SPTAN1: variants seen among roughly 807,000 people sequenced by gnomAD.
SPTAN1 encodes the protein spectrin alpha chain, non-erythrocytic 1.
Under a neutral mutation model 331.3 loss-of-function variants are expected in SPTAN1, and 61 were observed. That is an observed-to-expected ratio of 0.18 (90% CI 0.15 to 0.23). The LOEUF (loss-of-function observed/expected upper bound fraction) is 0.23, where lower values mean the gene tolerates loss of function less well. Ranked by LOEUF, SPTAN1 falls within the 10% of genes least tolerant of loss-of-function variation. The pLI is 1.00. For missense variants in SPTAN1, 2,043 were observed against 3,147.9 expected, an observed-to-expected ratio of 0.65 and a Z score of 8.40; for synonymous variants, 1,153 against 1,173.9, an observed-to-expected ratio of 0.98 and a Z score of 0.36.
chr9:128,591,495 G>C lies in SPTAN1; in HGVS notation c.3025G>C (p.Val1009Leu). ...TCCTTAGGATTGGTGGAAAGTGGAA[G>C]TGAACGATCGTCAGGGTTTTGTGCC... ...STNKDWWKVE[V>L]NDRQGFVPAA... Residue 1009 changes from valine (V) to leucine (L), a missense_variant, in exon 22 of 57, where the codon GTG (valine) becomes CTG (leucine). By Grantham distance (32) the Val-to-Leu change is conservative. Transcript: ENST00000372739. The C allele has an allele frequency of 6.2e-7, 1 of 1,614,148 alleles. No homozygotes were observed. The highest frequency in any genetic ancestry group is 8.5e-7 in the Non-Finnish European group (1 of 1,180,030).
Position 128,585,848 on chromosome 9 carries a change from G to A in SPTAN1, c.2661G>A (p.Glu887=). 6.2e-7 allele frequency: 1 copy of A among 1,614,182 alleles called. No individual in the cohort carries two copies. Among genetic ancestry groups the A allele is most frequent in the Non-Finnish European group, 8.5e-7 (1 of 1,180,028 alleles). Residue 887 remains glutamate, a synonymous_variant, in exon 19 of 57, where the codon GAG becomes GAA. Transcript: ENST00000372739. Reference sequence around the variant, plus strand: ...CTTCCCAGCGTCGGCAGGACCTGGAGGACTCTCTGCAGGCCCAGCAGTACT... The same window carrying A: ...CTTCCCAGCGTCGGCAGGACCTGGAAGACTCTCTGCAGGCCCAGCAGTACT... The part of the protein sequence containing the change: ...AKASQRRQDL[E]DSLQAQQYFA...
Position 128,625,064 on chromosome 9 carries a change from C to A in SPTAN1, c.5993-39C>A. The A allele has an allele frequency of 1.3e-6, 2 of 1,587,242 alleles. No individual in the cohort carries two copies. The highest frequency in any genetic ancestry group is 1.7e-6 in the Non-Finnish European group (2 of 1,155,662). Reference sequence around the variant, plus strand: ...GTTTTTCCTTTCTAATCCATCTCCACTGAGGAGGGCAGTATATTTTCCACA... The same window carrying A: ...GTTTTTCCTTTCTAATCCATCTCCAATGAGGAGGGCAGTATATTTTCCACA... On this transcript the variant is annotated intron_variant, in intron 46 of 56. Transcript: ENST00000372739. The surrounding 1 kb of genome is among the most constrained non-coding windows in gnomAD (Gnocchi z 4.1).
chr9:128,598,270 C>T (rs1281837087), intron 24 of SPTAN1, 130 bp from the exon 25 acceptor site: 10 of 729,266 alleles, frequency 1.4e-5, no homozygotes, highest in African/African-American at 3.6e-5. Flanking sequence ...TTTTTAATCC[C>T]CCCCTTTTTT....
Position 128,608,856 on chromosome 9 carries a change from G to A in SPTAN1, c.4492-18G>A. ...AGCCACAGGCCCACCTTGATCTCAT[G>A]CCTTTGTTTTCTGACAGGAAGAGAA... On this transcript the variant is annotated intron_variant, in intron 34 of 56. Coordinates refer to ENST00000372739, the MANE Select transcript of SPTAN1 (RefSeq NM_001130438.3). 6.2e-7 allele frequency: 1 copy of A among 1,612,818 alleles called. No homozygotes were observed. Among genetic ancestry groups the A allele is most frequent in the South Asian group, 1.1e-5 (1 of 90,998 alleles).
Position 128,617,722 on chromosome 9 carries a change from C to T in SPTAN1, c.5440C>T (p.Leu1814=). The part of the protein sequence containing the change: ...VQNLRKKHKR[L]EAELAAHEPA... ...GAACCTGAGGAAGAAGCACAAGCGG[C>T]TGGAAGCAGAACTGGCTGCGCATGA... is the stretch of plus-strand genomic sequence containing the variant. The change falls in exon 42 of 57, where the codon CTG becomes TTG. Residue 1814 remains leucine (L), a synonymous_variant. Coordinates refer to ENST00000372739, the MANE Select transcript of SPTAN1 (RefSeq NM_001130438.3). 6.2e-7 allele frequency: 1 copy of T among 1,614,142 alleles called. No individual in the cohort carries two copies. Among genetic ancestry groups the T allele is most frequent in the South Asian group, 1.1e-5 (1 of 91,082 alleles).
chr9:128,607,490 A>G lies in SPTAN1; in HGVS notation c.4047-114A>G. ...GACCTAGCCTCATTCAGTAGATCAGATTAACCCAAGATAACTTTCTGAGGC... is the reference window on the plus strand; with the variant it reads ...GACCTAGCCTCATTCAGTAGATCAGGTTAACCCAAGATAACTTTCTGAGGC... On this transcript the variant is annotated intron_variant, in intron 31 of 56. Transcript: ENST00000372739. 3.2e-6 allele frequency: 3 copies of G among 949,724 alleles called. No homozygotes were observed. In the Admixed American group the frequency reaches 5.2e-5, roughly 16 times the overall value. The allele number at this position is 949,724 out of a possible 1,614,324, so 58.8% of individuals were successfully genotyped here.
At chr9:128,600,168 A>G in intron 27 of SPTAN1, 53 bp downstream of exon 27, 2 of 1,581,136 alleles carry the variant, frequency 1.3e-6, no homozygotes, top group Non-Finnish European at 1.7e-6. Flanking sequence ...AGATCATGAA[A>G]TATGTCCTTT....
chr9:128,629,254 C>T lies in SPTAN1; in HGVS notation c.6708-1067C>T. Reference sequence around the variant, plus strand: ...CTGATGCACTCTTGACATCCCCAGGCGGCTCCACCCTGACTAACCTGCCGC... The same window carrying T: ...CTGATGCACTCTTGACATCCCCAGGTGGCTCCACCCTGACTAACCTGCCGC... On this transcript the variant is annotated intron_variant, in intron 51 of 56. Coordinates refer to ENST00000372739, the MANE Select transcript of SPTAN1 (RefSeq NM_001130438.3). This position sits in a 1 kb window ranked among gnomAD's most constrained non-coding sequence, Gnocchi z 4.9. The T allele has an allele frequency of 2.5e-6, 1 of 398,190 alleles. No individual in the cohort carries two copies. The highest frequency in any genetic ancestry group is 4.4e-6 in the Non-Finnish European group (1 of 225,892). 24.7% of individuals were successfully genotyped at this position (398,190 alleles called of 1,614,324 possible).
chr9:128,581,280 A>T (rs551831313), intron 11 of SPTAN1, among the ~76,000 whole-genome samples: 4 of 152,172 alleles, frequency 2.6e-5, no homozygotes, highest in Non-Finnish European at 5.9e-5. Context: ...GATTAGTGTG[A>T]TGTAAAATGT....
intron 24 of SPTAN1, among the ~76,000 whole-genome samples, chr9:128,595,455 A>G (rs1482502278): frequency 2.0e-5 from 3 of 152,126 alleles, no homozygotes; most frequent in Non-Finnish European, 2.9e-5. Context: ...TTTTTGGACA[A>G]ATTTAGTTTT....
At chr9:128,613,582 C>A in intron 40 of SPTAN1, 97 bp downstream of exon 40, 4 of 1,012,212 alleles carry the variant, frequency 4.0e-6, no homozygotes, top group Non-Finnish European at 6.2e-6. Flanking sequence ...AGAGTGACTT[C>A]TTTCACTTAA....
At chr9:128,604,916 G>A (rs1855626449) in intron 29 of SPTAN1, 118 bp from the exon 30 acceptor site, 2 of 1,125,480 alleles carry the variant, frequency 1.8e-6, no homozygotes, top group African/African-American at 3.2e-5. Context: ...TGGGTGACAA[G>A]AATGAAACTC....
intron 5 of SPTAN1, 145 bp from the exon 6 acceptor site, chr9:128,576,678 A>C: frequency 9.1e-7 from 1 of 1,100,618 alleles, no homozygotes; most frequent in Non-Finnish European, 1.3e-6. Context: ...GTTGTAGTTC[A>C]CTTTGTATCA....
At chr9:128,588,703 TATTTGGTAC>T (rs1564238930) in intron 20 of SPTAN1, 97 bp from the exon 21 acceptor site, 5 of 1,477,362 alleles carry the variant, frequency 3.4e-6, no homozygotes, top group African/African-American at 1.4e-5. Flanking sequence ...CATGAGTGTA[TATTTGGTAC>T]ATTTGGTACA....
At chr9:128,598,592 GT>G (rs1394236021) in intron 25 of SPTAN1, 88 bp downstream of exon 25, 2 of 1,118,054 alleles carry the variant, frequency 1.8e-6, no homozygotes, top group Admixed American at 4.0e-5. Context: ...AACAAGCAGT[GT>G]TTCATAACAC....
At chr9:128,568,953 T>TTCA in intron 3 of SPTAN1, 56 bp downstream of exon 3, 1 of 1,611,020 alleles carries the variant, frequency 6.2e-7, no homozygotes, top group African/African-American at 1.3e-5. Flanking sequence ...GCATTGTAGA[T>TTCA]TCATGCATAC....
In SPTAN1 at chr9:128,612,260, G is replaced by T. The variant is rs1856649758; in HGVS notation, c.5043+14G>T. ...TGGCTGTCTGAGGTAACACTGAGTGGTTCCTCTTCCTACCAGTGGGGGATT... is the reference window on the plus strand; with the variant it reads ...TGGCTGTCTGAGGTAACACTGAGTGTTTCCTCTTCCTACCAGTGGGGGATT... On this transcript the variant is annotated intron_variant, in intron 39 of 56. Transcript: ENST00000372739. The T allele has an allele frequency of 6.2e-7, 1 of 1,613,994 alleles. No individual in the cohort carries two copies. Among genetic ancestry groups the T allele is most frequent in the South Asian group, 1.1e-5 (1 of 91,082 alleles).
In SPTAN1 at chr9:128,629,428, C is replaced by T. The variant is rs1859314310; in HGVS notation, c.6708-893C>T. Among the ~76,000 whole-genome samples the T allele has an allele frequency of 6.6e-6, 1 of 152,004 alleles. No homozygotes were observed. The highest frequency in any genetic ancestry group is 1.5e-5 in the Non-Finnish European group (1 of 67,992). On this transcript the variant is annotated intron_variant, in intron 51 of 56. Coordinates refer to ENST00000372739, the MANE Select transcript of SPTAN1 (RefSeq NM_001130438.3). This position sits in a 1 kb window ranked among gnomAD's most constrained non-coding sequence, Gnocchi z 4.9. ...GGGTAGGAGGAAGCCTGGTGCCTTG[C>T]CTTGCTAGAGCACTTTGAACCTGGG...
Position 128,587,713 on chromosome 9 carries a change from G to C in SPTAN1, c.2871+15G>C. 2 of 1,612,800 alleles carry C rather than the reference G, an allele frequency of 1.2e-6. No individual in the cohort carries two copies. The highest frequency in any genetic ancestry group is 1.7e-6 in the Non-Finnish European group (2 of 1,178,834). Reference sequence around the variant, plus strand: ...AGTCCTGCCGGGTAAACTTGTAACAGTTTATGGGTTACTGGAGGGAGGCCT... The same window carrying C: ...AGTCCTGCCGGGTAAACTTGTAACACTTTATGGGTTACTGGAGGGAGGCCT... On this transcript the variant is annotated intron_variant, in intron 20 of 56. Transcript: ENST00000372739.
Sources: allele counts gnomAD v4.1 joint callset (sites outside exome capture counted in the v4.1 genomes callset), GRCh38; gene constraint gnomAD v4.1.1; non-coding constraint Gnocchi (gnomAD v3.1); transcripts MANE v1.5; gene names NCBI Gene and HGNC (gene_info 2026-07-23, HGNC 2026-07-21).